Variants in CFAP299 observed in about 807,000 individuals in gnomAD.
The protein encoded by CFAP299 is cilia and flagella associated protein 299.
Under a neutral mutation model 27.0 loss-of-function variants are expected in CFAP299, and 21 were observed. That is an observed-to-expected ratio of 0.78 (90% CI 0.55 to 1.12). The LOEUF (loss-of-function observed/expected upper bound fraction) is 1.12, where lower values mean the gene tolerates loss of function less well. Among genes scored for constraint, CFAP299 ranks in the 50% most tolerant of loss-of-function variants. The pLI is 0.00. For synonymous variants in CFAP299, 104 were observed against 98.1 expected (o/e 1.06, Z -0.36); for missense variants, 310 against 276.6 (o/e 1.12, Z -0.86).
chr4:80,847,203 C>A (rs550918322), intron 3 of CFAP299, among the ~76,000 whole-genome samples: 1 of 152,332 alleles, frequency 6.6e-6, no homozygotes, highest in South Asian at 2.1e-4. Context: ...CTCCACCCTG[C>A]TCTACCCAGG....
intron 2 of CFAP299, among the ~76,000 whole-genome samples, chr4:80,489,305 A>G (rs1009848891): frequency 6.6e-6 from 1 of 152,144 alleles, no homozygotes; most frequent in Non-Finnish European, 1.5e-5. Flanking sequence ...CTTCTCACGC[A>G]TTACCTGATC....
chr4:80,870,194 G>A (rs1428250562), intron 4 of CFAP299, 59 bp downstream of exon 4: 3 of 1,509,006 alleles, frequency 2.0e-6, no homozygotes, highest in African/African-American at 1.4e-5. Flanking sequence ...TTTATTTTAT[G>A]GTCTACATTG....
intron 4 of CFAP299, among the ~76,000 whole-genome samples, chr4:80,902,501 G>GTATATATGTATATATACATATATAA (rs1734967558): frequency 1.0e-5 from 1 of 99,576 alleles, no homozygotes; most frequent in African/African-American, 6.2e-5. Flanking sequence ...CATATATATG[G>GTATATATGTATATATACATATATAA]ATATATATCC....
intron 3 of CFAP299, among the ~76,000 whole-genome samples, chr4:80,834,913 T>A (rs560081368): frequency 6.6e-6 from 1 of 151,936 alleles, no homozygotes; most frequent in African/African-American, 2.4e-5. Flanking sequence ...GTTCTGCATG[T>A]TTTTTTAAAT....
chr4:80,762,920 C>G (rs1460748717), intron 3 of CFAP299, among the ~76,000 whole-genome samples: 2 of 152,178 alleles, frequency 1.3e-5, no homozygotes, highest in Non-Finnish European at 1.5e-5. Context: ...GTAACTGGAT[C>G]ACAGCTCAAC....
At chr4:80,406,403 T>C (rs543664668) in intron 2 of CFAP299, among the ~76,000 whole-genome samples, 1 of 152,304 alleles carries the variant, frequency 6.6e-6, no homozygotes, top group South Asian at 2.1e-4. Context: ...GCTCACTCTG[T>C]CACCCAGGCT....
intron 3 of CFAP299, among the ~76,000 whole-genome samples, chr4:80,649,693 CTG>C (rs1435930423): frequency 2.6e-5 from 4 of 152,024 alleles, no homozygotes; most frequent in East Asian, 3.9e-4. Context: ...AGATCAAAAA[CTG>C]TGTCATTCCT....
At chr4:80,492,293 A>G (rs1204015059) in intron 2 of CFAP299, among the ~76,000 whole-genome samples, 4 of 152,152 alleles carry the variant, frequency 2.6e-5, no homozygotes, top group Non-Finnish European at 5.9e-5. Context: ...GGGCTATGTC[A>G]TGGGCCATGG....
chr4:80,793,092 ATTAG>A (rs1156453396), intron 3 of CFAP299, among the ~76,000 whole-genome samples: 4 of 147,338 alleles, frequency 2.7e-5, no homozygotes, highest in Non-Finnish European at 5.9e-5. Context: ...TTTATATCCT[ATTAG>A]TTATGTGTGT....
chr4:80,656,029 A>C (rs1275884757), intron 3 of CFAP299, among the ~76,000 whole-genome samples: 1 of 152,098 alleles, frequency 6.6e-6, no homozygotes, highest in Non-Finnish European at 1.5e-5. Flanking sequence ...GCTGCAGTAA[A>C]TTGCCCAACA....
chr4:80,499,332 ATAAT>A (rs1578519604), intron 2 of CFAP299, among the ~76,000 whole-genome samples: 1 of 152,146 alleles, frequency 6.6e-6, no homozygotes, highest in African/African-American at 2.4e-5. Flanking sequence ...TGGTGCTATA[ATAAT>A]TTGGATGCAT....
chr4:80,411,291 T>C (rs1391034811), intron 2 of CFAP299, among the ~76,000 whole-genome samples: 1 of 152,186 alleles, frequency 6.6e-6, no homozygotes, highest in African/African-American at 2.4e-5. Context: ...CAGCAATCCA[T>C]ATGTATAAAC....
At chr4:80,957,450 T>C (rs751658968) in intron 5 of CFAP299, among the ~76,000 whole-genome samples, 4 of 152,278 alleles carry the variant, frequency 2.6e-5, no homozygotes, top group Non-Finnish European at 5.9e-5. Flanking sequence ...CACACAGATA[T>C]AGAGTGAATA....
At chr4:80,473,983 A>G (rs1484798700) in intron 2 of CFAP299, among the ~76,000 whole-genome samples, 2 of 152,208 alleles carry the variant, frequency 1.3e-5, no homozygotes, top group Non-Finnish European at 2.9e-5. Flanking sequence ...TTTAAAATAT[A>G]TTTTGACTAC....
intron 1 of CFAP299, among the ~76,000 whole-genome samples, chr4:80,351,796 T>C (rs1723024987): frequency 1.3e-5 from 2 of 150,746 alleles, no homozygotes; most frequent in African/African-American, 4.8e-5. Flanking sequence ...AATATTAATG[T>C]TATAGTTATA....
Position 80,381,836 on chromosome 4 carries a change from C to T in CFAP299, c.242+18952C>T, listed in dbSNP as rs562461974. Among the ~76,000 whole-genome samples, 268 of 152,232 alleles carry T rather than the reference C, an allele frequency of 1.8e-3. 1 individual carries two copies. Among genetic ancestry groups the T allele is most frequent in the African/African-American group, 6.2e-3 (257 of 41,558 alleles). On this transcript the variant is annotated intron_variant, in intron 2 of 5. Transcript: ENST00000358105. ...TCATAGTTCATTATGATCTGCTGCC[C>T]GATTATGCTTCTGGGAAATAGTTTC...
chr4:80,644,598 C>G (rs1010473509), intron 3 of CFAP299, among the ~76,000 whole-genome samples: 2 of 152,140 alleles, frequency 1.3e-5, no homozygotes, highest in African/African-American at 4.8e-5. Flanking sequence ...CATTACAGAT[C>G]AATTAGTAAT....
chr4:80,498,106 A>G (rs1731553598), intron 2 of CFAP299, among the ~76,000 whole-genome samples: 1 of 152,214 alleles, frequency 6.6e-6, no homozygotes, highest in Non-Finnish European at 1.5e-5. Flanking sequence ...AGGATGGATT[A>G]ATGACTTAAA....
At chr4:80,583,876 C>A (rs1440425979) in intron 3 of CFAP299, among the ~76,000 whole-genome samples, 1 of 151,714 alleles carries the variant, frequency 6.6e-6, no homozygotes, top group African/African-American at 2.4e-5. Flanking sequence ...GAAAAATAAT[C>A]AGAAATAGTG....
Sources: gnomAD v4.1 joint callset for allele counts (sites outside exome capture counted in the v4.1 genomes callset) on GRCh38, gnomAD v4.1.1 for gene constraint, MANE v1.5 for transcripts, NCBI Gene and HGNC (gene_info 2026-07-23, HGNC 2026-07-21) for gene names.